HSD17B13: variants seen among roughly 807,000 people sequenced by gnomAD.
HSD17B13 encodes hydroxysteroid 17-beta dehydrogenase 13, also known as 17-beta-hydroxysteroid dehydrogenase 13.
In HSD17B13, 26 loss-of-function variants were observed where a neutral mutation model predicts 31.1. That is an observed-to-expected ratio of 0.84 (90% CI 0.61 to 1.16). HSD17B13 has a LOEUF of 1.16. Ranked by LOEUF, HSD17B13 falls within the 50% of genes most tolerant of loss-of-function variation. The pLI, the probability that HSD17B13 is intolerant of heterozygous loss-of-function variation, is 0.00. For synonymous variants in HSD17B13, 141 were observed against 133.7 expected (o/e 1.05, Z -0.38); for missense variants, 374 against 366.5 (o/e 1.02, Z -0.17).
rs1236496312 is a variant in HSD17B13 at position 87,304,423 on chromosome 4, G to A, written c.*795C>T. 1 of 152,104 alleles carries A rather than the reference G, an allele frequency of 6.6e-6. No homozygotes were observed. The highest frequency in any genetic ancestry group is 2.4e-5 in the African/African-American group (1 of 41,398). 9.4% of individuals were successfully genotyped at this position (152,104 alleles called of 1,614,324 possible). On this transcript the variant is annotated 3_prime_UTR_variant, in exon 7 of 7. Coordinates refer to ENST00000328546, the MANE Select transcript of HSD17B13 (RefSeq NM_178135.5). ...AATAGCCAGTACAGTTCCTTTTCCTGTGTTAGCTTTAATTTTTGAGCCTAA... is the reference window on the plus strand; with the variant it reads ...AATAGCCAGTACAGTTCCTTTTCCTATGTTAGCTTTAATTTTTGAGCCTAA...
At chr4:87,312,690 C>T (rs1354727532) in intron 5 of HSD17B13, among the ~76,000 whole-genome samples, 1 of 151,320 alleles carries the variant, frequency 6.6e-6, no homozygotes, top group Non-Finnish European at 1.5e-5. Flanking sequence ...CCACCACGCC[C>T]GGCTAATTTT....
At chr4:87,316,057 C>A (rs1734643116) in intron 3 of HSD17B13, among the ~76,000 whole-genome samples, 1 of 152,152 alleles carries the variant, frequency 6.6e-6, no homozygotes, top group South Asian at 2.1e-4. Flanking sequence ...ACTAATGAAT[C>A]ATGATTGAAT....
At chr4:87,317,890 T>C (rs939187306) in intron 2 of HSD17B13, among the ~76,000 whole-genome samples, 1 of 152,158 alleles carries the variant, frequency 6.6e-6, no homozygotes, top group African/African-American at 2.4e-5. Context: ...TTATTTGGTA[T>C]TTACTCTTTT....
chr4:87,312,518 CTTTTTTTTTTTTTT>C (rs747820120), intron 5 of HSD17B13, among the ~76,000 whole-genome samples: 6 of 71,636 alleles, frequency 8.4e-5, no homozygotes, highest in African/African-American at 1.8e-4. Context: ...ACCTTTAATT[CTTTTTTTTTTTTTT>C]TTTTTTTTTT....
intron 6 of HSD17B13, among the ~76,000 whole-genome samples, chr4:87,306,905 T>TAAAAAAAAAAAAAAA (rs67775053): frequency 2.3e-5 from 1 of 44,286 alleles, no homozygotes; most frequent in African/African-American, 1.2e-4. Flanking sequence ...AGACCCAATC[T>TAAAAAAAAAAAAAAA]AAAAAAAAAA....
chr4:87,317,698 C>T (rs56293231), intron 2 of HSD17B13, among the ~76,000 whole-genome samples: 8,166 of 149,420 alleles, frequency 0.055, 704 homozygotes, highest in African/African-American at 0.19. Context: ...TGTGAACCAC[C>T]GCACCTGGTC....
chr4:87,318,423 T>G lies in HSD17B13; in HGVS notation c.224A>C (p.Glu75Ala). The change falls in exon 2 of 7, where the codon GAA becomes GCA. Residue 75 changes from glutamate to alanine, a missense_variant. Glu to Ala is a moderately radical substitution (Grantham distance 107, BLOSUM62 -1). Transcript: ENST00000328546. ...TAGTTTTCGGCACTCAGCTGCAGTT[T>G]CCTCCACACCGCGCTGTAATTAGGA... is the stretch of plus-strand genomic sequence containing the variant. ...LWDINKRGVE[E>A]TAAECRKLGV... 2.5e-6 allele frequency: 4 copies of G among 1,614,004 alleles called. No individual in the cohort carries two copies. Among genetic ancestry groups the G allele is most frequent in the East Asian group, 2.2e-5 (1 of 44,888 alleles).
Position 87,322,272 on chromosome 4 carries a change from G to A in HSD17B13, c.210+360C>T, listed in dbSNP as rs564101880. ...GTTGCAAGTTCTTCGTTTGACTTTT[G>A]TTTGTAGCTGTAATTTTCAGATCCC... On this transcript the variant is annotated intron_variant, in intron 1 of 6. Transcript: ENST00000328546. Among the ~76,000 whole-genome samples, 7 of 152,256 alleles carry A rather than the reference G, an allele frequency of 4.6e-5. No individual in the cohort carries two copies. In the South Asian group the frequency reaches 1.2e-3, roughly 27 times the overall value.
At chr4:87,317,905 T>G (rs1430207057) in intron 2 of HSD17B13, among the ~76,000 whole-genome samples, 1 of 152,176 alleles carries the variant, frequency 6.6e-6, no homozygotes, top group East Asian at 1.9e-4. Flanking sequence ...TCTTTTAAAA[T>G]AATTGTGATA....
chr4:87,322,554 G>A, intron 1 of HSD17B13, 78 bp downstream of exon 1: 2 of 1,115,284 alleles, frequency 1.8e-6, no homozygotes, highest in Non-Finnish European at 2.7e-6. Context: ...ACAAAGATAA[G>A]TAGATGGTAA....
At chr4:87,316,577 T>C (rs1027264586) in intron 3 of HSD17B13, among the ~76,000 whole-genome samples, 2 of 152,334 alleles carry the variant, frequency 1.3e-5, no homozygotes, top group South Asian at 4.1e-4. Context: ...ATGAGGTCTG[T>C]ATAGCTGCAT....
intron 6 of HSD17B13, among the ~76,000 whole-genome samples, chr4:87,308,485 TAAAAAAAAAAAAAAAAAAAAAAAAAAAA>T (rs893354684): frequency 2.7e-4 from 9 of 33,218 alleles, no homozygotes; most frequent in African/African-American, 4.3e-4. Flanking sequence ...CCGTCTCTAC[TAAAAAAAAAAAAAAAAAAAAAAAAAAAA>T]AAAAAAAAAA....
intron 5 of HSD17B13, 142 bp from the exon 6 acceptor site, chr4:87,310,501 C>A (rs1734508041): frequency 1.1e-6 from 1 of 945,848 alleles, no homozygotes; most frequent in South Asian, 3.6e-5. Context: ...TGCATTAATG[C>A]CACCCTACCC....
Position 87,305,669 on chromosome 4 carries a change from C to T in HSD17B13, c.813-361G>A, listed in dbSNP as rs114907274. Among the ~76,000 whole-genome samples the T allele has an allele frequency of 1.0e-3, 156 of 152,150 alleles. 1 individual carries two copies. The highest frequency in any genetic ancestry group is 3.6e-3 in the African/African-American group (148 of 41,494). On this transcript the variant is annotated intron_variant, in intron 6 of 6. Coordinates refer to ENST00000328546, the MANE Select transcript of HSD17B13 (RefSeq NM_178135.5). The stretch of plus-strand genomic sequence containing the variant: ...CAGAGGTTGCAGTGAGCCGAGATCA[C>T]GCCATTGCACTCCAGCCTGGGCGAC...
intron 6 of HSD17B13, among the ~76,000 whole-genome samples, chr4:87,308,350 C>T (rs1316293581): frequency 6.6e-6 from 1 of 151,428 alleles, no homozygotes; most frequent in Admixed American, 6.6e-5. Flanking sequence ...GAGACTGTCT[C>T]TACTAAATAA....
At chr4:87,321,026 TAA>T (rs1560751664) in intron 1 of HSD17B13, among the ~76,000 whole-genome samples, 1 of 152,150 alleles carries the variant, frequency 6.6e-6, no homozygotes, top group East Asian at 1.9e-4. Flanking sequence ...CTATTTTTCT[TAA>T]GTCTTTTTTT....
intron 6 of HSD17B13, among the ~76,000 whole-genome samples, chr4:87,308,446 G>A (rs1399212059): frequency 3.3e-5 from 4 of 121,200 alleles, no homozygotes; most frequent in Non-Finnish European, 3.3e-5. Context: ...TCAGGAGATC[G>A]AGACCATCCT....
At chr4:87,311,164 G>A (rs1734523083) in intron 5 of HSD17B13, among the ~76,000 whole-genome samples, 1 of 152,116 alleles carries the variant, frequency 6.6e-6, no homozygotes. Flanking sequence ...GGCCTAAAAA[G>A]GGGAGGAAAT....
chr4:87,315,313 T>C (rs1336266263), intron 4 of HSD17B13, among the ~76,000 whole-genome samples, 180 bp downstream of exon 4: 4 of 152,214 alleles, frequency 2.6e-5, no homozygotes, highest in Non-Finnish European at 4.4e-5. Context: ...TAAAGCGTAC[T>C]TTCATTTTCA....
Sources: allele counts gnomAD v4.1 joint callset (sites outside exome capture counted in the v4.1 genomes callset), GRCh38; gene constraint gnomAD v4.1.1; transcripts MANE v1.5; gene names NCBI Gene and HGNC (gene_info 2026-07-23, HGNC 2026-07-21).